The following BOLA3 variants were observed in gnomAD, a reference collection of about 807,000 sequenced individuals.
BOLA3 encodes the protein bolA-like protein 3.
A neutral mutation model predicts 14.5 loss-of-function variants in BOLA3; 8 were observed. That is an observed-to-expected ratio of 0.55 (90% CI 0.32 to 0.99). The LOEUF (loss-of-function observed/expected upper bound fraction) is 0.99. BOLA3 is among the 50% of genes least tolerant of loss of function. BOLA3 has a pLI of 0.04. For synonymous variants in BOLA3, 42 were observed against 45.7 expected (o/e 0.92, Z 0.33); for missense variants, 115 against 138.2 (o/e 0.83, Z 0.84).
At chr2:74,139,878 C>T (rs1692406291) in intron 3 of BOLA3, among the ~76,000 whole-genome samples, 1 of 152,210 alleles carries the variant, frequency 6.6e-6, no homozygotes, top group African/African-American at 2.4e-5. Flanking sequence ...GGCACAGTGG[C>T]TCACGCCTGT....
intron 2 of BOLA3, among the ~76,000 whole-genome samples, chr2:74,143,163 T>C (rs1692478250): frequency 1.6e-5 from 1 of 62,182 alleles, no homozygotes; most frequent in African/African-American, 4.4e-5. Flanking sequence ...GCTCTGCTTC[T>C]TTTTTTTTTT....
intron 1 of BOLA3, 120 bp downstream of exon 1, chr2:74,147,701 A>AT: frequency 1.1e-6 from 1 of 878,136 alleles, no homozygotes; most frequent in Non-Finnish European, 1.8e-6. Context: ...GGAGCCCCCC[A>AT]TTGCCAGTGC....
intron 1 of BOLA3, 33 bp downstream of exon 1, chr2:74,147,788 G>A (rs1236083849): frequency 4.6e-6 from 7 of 1,529,118 alleles, no homozygotes; most frequent in South Asian, 2.4e-5. Context: ...CTCCCGTCCC[G>A]GGGAGAGCAG....
At chr2:74,138,496 C>G (rs1001093054) in intron 3 of BOLA3, among the ~76,000 whole-genome samples, 2 of 152,210 alleles carry the variant, frequency 1.3e-5, no homozygotes, top group Non-Finnish European at 2.9e-5. Context: ...GAGCTGGAGC[C>G]AGAGGTGGAG....
intron 2 of BOLA3, among the ~76,000 whole-genome samples, chr2:74,143,448 C>T (rs1236639161): frequency 1.3e-5 from 2 of 152,206 alleles, no homozygotes; most frequent in East Asian, 1.9e-4. Context: ...CGTGAGCCAC[C>T]GCGCCTGGCC....
chr2:74,142,281 C>T lies in BOLA3; in HGVS notation c.249G>A (p.Met83Ile), dbSNP rs1692450063. 1 of 1,612,060 alleles carries T rather than the reference C, an allele frequency of 6.2e-7. No homozygotes were observed. The highest frequency in any genetic ancestry group is 1.1e-5 in the South Asian group (1 of 91,020). ...KEKRTVQQHQMVNQALKEEIK... is the reference protein window; with the variant it reads ...KEKRTVQQHQIVNQALKEEIK... Reference sequence around the variant, plus strand: ...TGTTGCCTCTACTGACCTGATTAACCATCTGGTGCTGCTGGACAGTTCTCT... The same window carrying T: ...TGTTGCCTCTACTGACCTGATTAACTATCTGGTGCTGCTGGACAGTTCTCT... The change falls in exon 3 of 4, where the codon ATG becomes ATA. Residue 83 changes from methionine to isoleucine, a missense_variant. Coordinates refer to ENST00000327428, the MANE Select transcript of BOLA3 (RefSeq NM_212552.3).
At chr2:74,142,416 C>A in intron 2 of BOLA3, 56 bp from the exon 3 acceptor site, 1 of 1,311,748 alleles carries the variant, frequency 7.6e-7, no homozygotes, top group Non-Finnish European at 1.1e-6. Context: ...CAGCCATGGT[C>A]CCATATATCC....
At chr2:74,139,094 C>A (rs1692388472) in intron 3 of BOLA3, among the ~76,000 whole-genome samples, 1 of 151,988 alleles carries the variant, frequency 6.6e-6, no homozygotes, top group Non-Finnish European at 1.5e-5. Context: ...AGGCTGAGCC[C>A]CGCGCAGCAG....
At chr2:74,136,630 C>T (rs1412268954) in intron 3 of BOLA3, among the ~76,000 whole-genome samples, 1 of 152,156 alleles carries the variant, frequency 6.6e-6, no homozygotes, top group African/African-American at 2.4e-5. Flanking sequence ...CTATGTTAGG[C>T]ATATATGGGT....
intron 2 of BOLA3, among the ~76,000 whole-genome samples, chr2:74,144,028 C>A: frequency 8.4e-6 from 1 of 119,450 alleles, no homozygotes; most frequent in East Asian, 2.5e-4. Flanking sequence ...TTTTTTGAGA[C>A]ACAGTCTCGC....
rs114594655 is a variant in BOLA3, at chr2:74,136,035, C to T, written c.259-377G>A. On this transcript the variant is annotated intron_variant, in intron 3 of 3. Coordinates refer to ENST00000327428, the MANE Select transcript of BOLA3 (RefSeq NM_212552.3). ...CGCGATATCGGCTTACTGCAAACTC[C>T]ACCTCCTGGGCTCAAACAATCTTCC... Among the ~76,000 whole-genome samples, 735 of 151,666 alleles carry T rather than the reference C, an allele frequency of 4.8e-3. 8 individuals are homozygous for T. The highest frequency in any genetic ancestry group is 0.017 in the African/African-American group (690 of 41,334).
intron 3 of BOLA3, among the ~76,000 whole-genome samples, chr2:74,141,491 A>C (rs1692437127): frequency 6.6e-6 from 1 of 152,120 alleles, no homozygotes; most frequent in South Asian, 2.1e-4. Flanking sequence ...CAATCTGGGC[A>C]AAGGCCCAGA....
chr2:74,147,738 T>G (rs1692573236), intron 1 of BOLA3, 83 bp downstream of exon 1: 9 of 1,439,898 alleles, frequency 6.3e-6, no homozygotes, highest in Non-Finnish European at 8.5e-6. Flanking sequence ...GAGCCAGTCC[T>G]CAAGCCCCGA....
chr2:74,143,322 A>AT (rs5832122), intron 2 of BOLA3, among the ~76,000 whole-genome samples: 33 of 150,324 alleles, frequency 2.2e-4, no homozygotes, highest in South Asian at 4.2e-4. Flanking sequence ...TGCCCAGCTA[A>AT]TTTTTTTTTT....
intron 3 of BOLA3, among the ~76,000 whole-genome samples, chr2:74,136,917 T>G (rs1348568806): frequency 1.3e-5 from 2 of 152,160 alleles, no homozygotes; most frequent in Non-Finnish European, 2.9e-5. Flanking sequence ...CAGAGTCAAA[T>G]AGATATTTGG....
chr2:74,147,038 A>T (rs1458553254), intron 1 of BOLA3: 2 of 152,494 alleles, frequency 1.3e-5, no homozygotes, highest in African/African-American at 4.8e-5. Context: ...TCTTGAGGGT[A>T]AAGGCAGAGA....
intron 3 of BOLA3, 83 bp from the exon 4 acceptor site, chr2:74,135,741 T>C: frequency 9.5e-7 from 1 of 1,056,860 alleles, no homozygotes; most frequent in Non-Finnish European, 1.5e-6. Flanking sequence ...TATACAGCTC[T>C]GCATCTGAAG....
At chr2:74,145,348 T>C (rs374711259) in intron 1 of BOLA3, 45 bp from the exon 2 acceptor site, 1 of 1,208,038 alleles carries the variant, frequency 8.3e-7, no homozygotes, top group Non-Finnish European at 1.2e-6. Context: ...GAAGATGCTG[T>C]TGCCCCTGAG....
At chr2:74,137,876 G>A (rs1692363072) in intron 3 of BOLA3, among the ~76,000 whole-genome samples, 1 of 152,184 alleles carries the variant, frequency 6.6e-6, no homozygotes, top group Non-Finnish European at 1.5e-5. Flanking sequence ...GAAGGTCCCT[G>A]GGCCACTTGC....
Sources: gnomAD v4.1 joint callset for allele counts (sites outside exome capture counted in the v4.1 genomes callset) on GRCh38, gnomAD v4.1.1 for gene constraint, MANE v1.5 for transcripts, NCBI Gene and HGNC (gene_info 2026-07-23, HGNC 2026-07-21) for gene names.